The following PTPRN2 variants were observed in gnomAD, a reference collection of about 807,000 sequenced individuals.
PTPRN2 encodes receptor-type tyrosine-protein phosphatase N2.
PTPRN2 carries 74 observed loss-of-function variants against 118.8 expected under a neutral mutation model. The observed-to-expected ratio is 0.62, with a 90% confidence interval of 0.52 to 0.76. The LOEUF is 0.76. Among genes scored for constraint, PTPRN2 ranks in the 30% least tolerant of loss-of-function variants. PTPRN2 has a pLI of 0.00. For missense variants in PTPRN2, 1,481 were observed against 1,394.4 expected (o/e 1.06, Z -0.99); for synonymous variants, 641 against 608.0 (o/e 1.05, Z -0.80).
intron 12 of PTPRN2, among the ~76,000 whole-genome samples, chr7:157,735,560 T>C (rs1800248808): frequency 6.6e-6 from 1 of 152,228 alleles, no homozygotes; most frequent in Non-Finnish European, 1.5e-5. Context: ...CAAAAGTAAT[T>C]GAGCTTTCTC....
chr7:157,599,926 T>C, intron 16 of PTPRN2, among the ~76,000 whole-genome samples: 1 of 125,098 alleles, frequency 8.0e-6, no homozygotes, highest in Non-Finnish European at 1.7e-5. Flanking sequence ...TGCCCACCTC[T>C]CCACCTGCCC....
chr7:157,996,250 C>T (rs1010217984), intron 11 of PTPRN2, among the ~76,000 whole-genome samples: 2 of 152,228 alleles, frequency 1.3e-5, no homozygotes, highest in African/African-American at 2.4e-5. Context: ...GGATGTAGCA[C>T]ATGGGACAAT....
intron 2 of PTPRN2, among the ~76,000 whole-genome samples, chr7:158,441,649 GTGGTGATGGTGA>G (rs1209815266): frequency 1.4e-5 from 2 of 144,438 alleles, no homozygotes; most frequent in East Asian, 2.1e-4. Context: ...GATGGCAATG[GTGGTGATGGTGA>G]TGGTGATGGT....
In PTPRN2 at chr7:157,845,992, C is replaced by T. The variant is rs1164837625; in HGVS notation, c.1788+52681G>A. 6.6e-6 allele frequency among the ~76,000 whole-genome samples: 1 copy of T among 152,202 alleles called. No homozygotes were observed. Among genetic ancestry groups the T allele is most frequent in the Non-Finnish European group, 1.5e-5 (1 of 68,032 alleles). ...CCTCAAATCCTTTCCTCAAACAACA[C>T]AAACTACGGAGGAAGGGAGTGGTAA... is the stretch of plus-strand genomic sequence containing the variant. On this transcript the variant is annotated intron_variant, in intron 12 of 22. Coordinates refer to ENST00000389418, the MANE Select transcript of PTPRN2 (RefSeq NM_002847.5). This position sits in a 1 kb window ranked among gnomAD's most constrained non-coding sequence, Gnocchi z 4.5.
rs567588603 is a variant in PTPRN2 at position 158,265,552 on chromosome 7, A to T, written c.277+51267T>A. Among the ~76,000 whole-genome samples the T allele has an allele frequency of 2.0e-5, 3 of 152,258 alleles. No individual in the cohort carries two copies. In the South Asian group the frequency reaches 6.2e-4, roughly 32 times the overall value. On this transcript the variant is annotated intron_variant, in intron 3 of 22. Transcript: ENST00000389418. ...CCACCCTCTGCACAGCCCCCTTGCC[A>T]GGCTGCCCTCTGCACATTTCTGTTT...
At chr7:158,575,679 A>G (rs1419206585) in intron 1 of PTPRN2, among the ~76,000 whole-genome samples, 1 of 152,176 alleles carries the variant, frequency 6.6e-6, no homozygotes, top group African/African-American at 2.4e-5. Context: ...TTTTACATCT[A>G]TATTTCAACC....
intron 1 of PTPRN2, among the ~76,000 whole-genome samples, chr7:158,497,706 G>A (rs910371673): frequency 2.6e-5 from 4 of 152,202 alleles, no homozygotes; most frequent in African/African-American, 7.2e-5. Flanking sequence ...TGTTCTCTGC[G>A]CCGCTGCACA....
At chr7:157,788,471 C>T (rs1290856655) in intron 12 of PTPRN2, among the ~76,000 whole-genome samples, 3 of 152,050 alleles carry the variant, frequency 2.0e-5, no homozygotes, top group Non-Finnish European at 2.9e-5. Flanking sequence ...CATCAACCAA[C>T]GTGACCAGAA....
chr7:158,522,232 A>G (rs71546411), intron 1 of PTPRN2, among the ~76,000 whole-genome samples: 342 of 23,478 alleles, frequency 0.015, 4 homozygotes, highest in African/African-American at 0.021. Flanking sequence ...GTAGTGGCTC[A>G]GGAGGGAGGT....
chr7:157,733,527 G>T (rs60230831), intron 12 of PTPRN2, among the ~76,000 whole-genome samples: 722 of 10,694 alleles, frequency 0.068, 116 homozygotes, highest in Non-Finnish European at 0.082. Context: ...GTTACTCTTT[G>T]CCGTCCCATG....
At position 157,540,595 on chromosome 7, in the gene PTPRN2, G is replaced by T; in HGVS notation, c.*119C>A. On this transcript the variant is annotated 3_prime_UTR_variant, in exon 23 of 23. Transcript: ENST00000389418. ...AACTGCTAAACTGCGCTGACTACGG[G>T]AGAGCTAAGGGCCCTATTACTATGC... The T allele has an allele frequency of 1.4e-6, 1 of 740,310 alleles. No homozygotes were observed. The highest frequency in any genetic ancestry group is 2.1e-6 in the Non-Finnish European group (1 of 467,940). 45.9% of individuals were successfully genotyped at this position (740,310 alleles called of 1,614,324 possible).
chr7:157,728,409 G>T (rs922498784), intron 12 of PTPRN2, among the ~76,000 whole-genome samples: 1 of 152,230 alleles, frequency 6.6e-6, no homozygotes, highest in Non-Finnish European at 1.5e-5. Context: ...CTCTGACAGG[G>T]CTCCTGGCGC....
intron 6 of PTPRN2, among the ~76,000 whole-genome samples, chr7:158,143,244 C>T (rs1819553703): frequency 6.6e-6 from 1 of 152,200 alleles, no homozygotes; most frequent in South Asian, 2.1e-4. Flanking sequence ...AAGTAGGCGG[C>T]CACAGGCAAG....
chr7:157,695,601 G>A (rs1224065042), intron 12 of PTPRN2, among the ~76,000 whole-genome samples: 5 of 152,326 alleles, frequency 3.3e-5, no homozygotes, highest in Admixed American at 1.3e-4. Context: ...TGAGAGGTCA[G>A]CCTCCTAGTA....
At chr7:158,157,024 T>A (rs1821883554) in intron 6 of PTPRN2, among the ~76,000 whole-genome samples, 1 of 151,974 alleles carries the variant, frequency 6.6e-6, no homozygotes, top group Non-Finnish European at 1.5e-5. Context: ...CATGTGGCTC[T>A]GAAAGGCCTA....
In PTPRN2 at chr7:157,615,596, G is replaced by A. The variant is rs770719677; in HGVS notation, c.2344+5766C>T. ...GCCTGGGAAGTCCCGCGGTGGATCC[G>A]CGTCACGGGGGAGGATTGGCTCAGC... On this transcript the variant is annotated intron_variant, in intron 15 of 22. Transcript: ENST00000389418. The surrounding 1 kb of genome is among the most constrained non-coding windows in gnomAD (Gnocchi z 4.3). 4 of 471,092 alleles carry A rather than the reference G, an allele frequency of 8.5e-6. No individual in the cohort carries two copies. The highest frequency in any genetic ancestry group is 2.3e-5 in the Admixed American group (1 of 42,576). 29.2% of individuals were successfully genotyped at this position (471,092 alleles called of 1,614,324 possible).
chr7:157,879,031 C>T (rs1303779876), intron 12 of PTPRN2, among the ~76,000 whole-genome samples: 4 of 142,636 alleles, frequency 2.8e-5, no homozygotes, highest in Admixed American at 1.4e-4. Context: ...AGTGTGATAC[C>T]GTGCACCCAC....
At position 157,875,887 on chromosome 7, in the gene PTPRN2, G is replaced by A. The variant is rs1380392858; in HGVS notation, c.1788+22786C>T. Reference sequence around the variant, plus strand: ...GGGCTGCAGAGGGTCAGGAGGGGCCGAGCCCCAAGGCCAGGCATCCCCAGG... The same window carrying A: ...GGGCTGCAGAGGGTCAGGAGGGGCCAAGCCCCAAGGCCAGGCATCCCCAGG... On this transcript the variant is annotated intron_variant, in intron 12 of 22. Transcript: ENST00000389418. 4.0e-5 allele frequency among the ~76,000 whole-genome samples: 6 copies of A among 149,984 alleles called. No homozygotes were observed. The East Asian group carries it at 8.0e-4, about 20-fold the overall frequency.
intron 6 of PTPRN2, among the ~76,000 whole-genome samples, chr7:158,149,375 C>A (rs1007964468): frequency 6.6e-6 from 1 of 151,902 alleles, no homozygotes; most frequent in African/African-American, 2.4e-5. Flanking sequence ...TTAAATCTAA[C>A]CAGTGTCTTT....
Sources: allele counts gnomAD v4.1 joint callset (sites outside exome capture counted in the v4.1 genomes callset), GRCh38; gene constraint gnomAD v4.1.1; non-coding constraint Gnocchi (gnomAD v3.1); transcripts MANE v1.5; gene names NCBI Gene and HGNC (gene_info 2026-07-23, HGNC 2026-07-21).